The following PGM5 variants were observed in gnomAD, a reference collection of about 807,000 sequenced individuals.
PGM5 encodes the protein phosphoglucomutase 5.
In PGM5, 23 loss-of-function variants were observed where a neutral mutation model predicts 59.2. The observed-to-expected ratio is 0.39, with a 90% CI of 0.28 to 0.55. The LOEUF (loss-of-function observed/expected upper bound fraction) is 0.55, where lower values mean the gene tolerates loss of function less well. Ranked by LOEUF, PGM5 falls within the 20% of genes least tolerant of loss-of-function variation. The probability of loss-of-function intolerance (pLI) is 0.66; values close to 1 mark genes in which losing one functional copy is unlikely to be tolerated. For synonymous variants in PGM5, 214 were observed against 286.0 expected (o/e 0.75, Z 2.54); for missense variants, 574 against 748.3 (o/e 0.77, Z 2.72).
intron 3 of PGM5, among the ~76,000 whole-genome samples, 154 bp from the exon 4 acceptor site, chr9:68,387,309 A>G (rs1287660294): frequency 6.6e-6 from 1 of 152,038 alleles, no homozygotes; most frequent in Admixed American, 6.6e-5. Flanking sequence ...GATTTTTGTC[A>G]ACAAATGGGC....
intron 9 of PGM5, among the ~76,000 whole-genome samples, chr9:68,487,463 T>TAC (rs67566624): frequency 0.25 from 35,563 of 141,616 alleles, 4,230 homozygotes; most frequent in Middle Eastern, 0.28. Context: ...CACACGCACA[T>TAC]ACACACACAC....
chr9:68,415,424 A>G (rs1469104485), intron 6 of PGM5, among the ~76,000 whole-genome samples: 1 of 147,708 alleles, frequency 6.8e-6, no homozygotes, highest in Admixed American at 6.6e-5. Flanking sequence ...AGGGCTGACA[A>G]TGGGGACACC....
At position 68,387,525 on chromosome 9, in the gene PGM5, G is replaced by A. The variant is rs1554678953; in HGVS notation, c.634G>A (p.Ala212Thr). 1.2e-6 allele frequency: 2 copies of A among 1,612,016 alleles called. No individual in the cohort carries two copies. ...NLLRTIFDFH[A>T]IKGLLTGPSQ... ...CCTTCGGACCATCTTTGACTTTCAT[G>A]CCATCAAGGGTTTGCTGACTGGACC... is the stretch of plus-strand genomic sequence containing the variant. Residue 212 changes from alanine to threonine, a missense_variant, in exon 4 of 11, where the codon GCC becomes ACC. Transcript: ENST00000396396.
At chr9:68,416,925 G>A (rs1554682019) in intron 6 of PGM5, among the ~76,000 whole-genome samples, 1 of 152,212 alleles carries the variant, frequency 6.6e-6, no homozygotes, top group African/African-American at 2.4e-5. Context: ...CTGCTACAAA[G>A]AAAATTTTAT....
chr9:68,398,287 T>C (rs532958926), intron 6 of PGM5: 19 of 152,304 alleles, frequency 1.2e-4, no homozygotes, highest in Middle Eastern at 3.4e-3. Context: ...CCTGAAACTC[T>C]GTATAGCTGA....
At chr9:68,453,760 T>C (rs1301605344) in intron 6 of PGM5, among the ~76,000 whole-genome samples, 2 of 152,184 alleles carry the variant, frequency 1.3e-5, no homozygotes, top group African/African-American at 4.8e-5. Context: ...CCCATGAAGT[T>C]TGCATGAAAT....
intron 4 of PGM5, among the ~76,000 whole-genome samples, chr9:68,388,961 T>G (rs1822298176): frequency 6.6e-6 from 1 of 152,026 alleles, no homozygotes; most frequent in Non-Finnish European, 1.5e-5. Flanking sequence ...GTCCTTTAAT[T>G]CTGGAAAAGT....
At chr9:68,361,906 A>C (rs1292549368) in intron 1 of PGM5, among the ~76,000 whole-genome samples, 6 of 151,970 alleles carry the variant, frequency 3.9e-5, no homozygotes, top group Non-Finnish European at 8.8e-5. Flanking sequence ...GATGATCGCA[A>C]GGTTAGGGCG....
intron 7 of PGM5, among the ~76,000 whole-genome samples, chr9:68,471,796 G>A (rs1270622865): frequency 1.3e-5 from 2 of 151,968 alleles, no homozygotes; most frequent in East Asian, 1.9e-4. Context: ...GCGGGTGCCT[G>A]TAATCCCAGC....
chr9:68,460,806 CCATGAAGA>C (rs1396745783), intron 6 of PGM5, among the ~76,000 whole-genome samples: 1 of 152,088 alleles, frequency 6.6e-6, no homozygotes, highest in Non-Finnish European at 1.5e-5. Context: ...ATTGAAGGAG[CCATGAAGA>C]CATACAAGAT....
chr9:68,465,220 T>G lies in PGM5; in HGVS notation c.1159+12T>G. 6.5e-7 allele frequency: 1 copy of G among 1,533,936 alleles called. No homozygotes were observed. Among genetic ancestry groups the G allele is most frequent in the East Asian group, 2.2e-5 (1 of 44,520 alleles). On this transcript the variant is annotated intron_variant, in intron 7 of 10. Transcript: ENST00000396396. ...GAGCTTTGGCACTGGTAGGCTTTGT[T>G]GGGTTGATATTACTGGGGAGGGCGG...
chr9:68,434,171 G>A (rs145944172), intron 6 of PGM5, among the ~76,000 whole-genome samples: 3,757 of 151,832 alleles, frequency 0.025, 84 homozygotes, highest in East Asian at 0.089. Flanking sequence ...ACAAAAATTA[G>A]CTGTGCATGG....
intron 10 of PGM5, among the ~76,000 whole-genome samples, chr9:68,500,499 C>A (rs543609893): frequency 2.6e-5 from 4 of 152,054 alleles, no homozygotes; most frequent in Admixed American, 1.3e-4. Context: ...CATGAGTGGG[C>A]AAAGCAGGTG....
At chr9:68,510,253 G>A (rs1046791521) in intron 10 of PGM5, among the ~76,000 whole-genome samples, 4 of 145,734 alleles carry the variant, frequency 2.7e-5, no homozygotes, top group Admixed American at 7.2e-5. Context: ...CTGGGTTCAC[G>A]CCCTTCTCCT....
At chr9:68,481,028 G>A (rs1554687096) in intron 8 of PGM5, among the ~76,000 whole-genome samples, 2 of 152,190 alleles carry the variant, frequency 1.3e-5, no homozygotes, top group Non-Finnish European at 2.9e-5. Flanking sequence ...CAGAGACTCT[G>A]TATTAAAAGC....
intron 6 of PGM5, among the ~76,000 whole-genome samples, chr9:68,442,722 C>A (rs1384707460): frequency 6.6e-6 from 1 of 152,092 alleles, no homozygotes; most frequent in African/African-American, 2.4e-5. Flanking sequence ...AAACAGTTAA[C>A]CCAATTAAAA....
intron 1 of PGM5, among the ~76,000 whole-genome samples, chr9:68,361,098 G>A (rs1193029417): frequency 6.6e-6 from 1 of 152,084 alleles, no homozygotes; most frequent in African/African-American, 2.4e-5. Context: ...TATTGTTTTT[G>A]TAGAGATGGA....
intron 10 of PGM5, among the ~76,000 whole-genome samples, chr9:68,519,913 A>C (rs1336583544): frequency 6.7e-6 from 1 of 148,902 alleles, no homozygotes; most frequent in African/African-American, 2.4e-5. Flanking sequence ...ATAAATAAAT[A>C]AATAAATAAA....
intron 10 of PGM5, among the ~76,000 whole-genome samples, chr9:68,522,886 C>T (rs530051200): frequency 6.6e-6 from 1 of 152,284 alleles, no homozygotes; most frequent in Admixed American, 6.5e-5. Flanking sequence ...CTCTTTAATT[C>T]TTCTCCTGGT....
Sources: allele counts gnomAD v4.1 joint callset (sites outside exome capture counted in the v4.1 genomes callset), GRCh38; gene constraint gnomAD v4.1.1; transcripts MANE v1.5; gene names NCBI Gene and HGNC (gene_info 2026-07-23, HGNC 2026-07-21).